SSH1: variants seen among roughly 807,000 people sequenced by gnomAD.
The protein encoded by SSH1 is slingshot protein phosphatase 1.
A neutral mutation model predicts 79.7 loss-of-function variants in SSH1; 43 were observed. The ratio of observed to expected loss-of-function variants is 0.54; its 90% CI spans 0.42 to 0.70. The LOEUF is 0.70. Among genes scored for constraint, SSH1 ranks in the 30% least tolerant of loss-of-function variants. SSH1 has a pLI of 0.00. For synonymous variants in SSH1, 599 were observed against 538.3 expected, an observed-to-expected ratio of 1.11 and a Z score of -1.56; for missense variants, 1,206 against 1,358.8, an observed-to-expected ratio of 0.89 and a Z score of 1.77.
rs530906482 is a variant in SSH1 at position 108,798,442 on chromosome 12, A to C, written c.1349+558T>G. On this transcript the variant is annotated intron_variant, in intron 13 of 14. Transcript: ENST00000326495. ...CAGACTCGAACTCTTGGGCTCAAGCAATACTCCCATCTCAGTTTCCTAAGC... is the reference window on the plus strand; with the variant it reads ...CAGACTCGAACTCTTGGGCTCAAGCCATACTCCCATCTCAGTTTCCTAAGC... Among the ~76,000 whole-genome samples the C allele has an allele frequency of 1.2e-4, 18 of 152,342 alleles. No homozygotes were observed. In the East Asian group the frequency reaches 2.9e-3, roughly 24 times the overall value.
In SSH1 at chr12:108,799,110, GC is replaced by G; in HGVS notation, c.1238del (p.Gly413AlafsTer11). 1 of 1,614,224 alleles carries G rather than the reference GC, an allele frequency of 6.2e-7. No homozygotes were observed. Among genetic ancestry groups the G allele is most frequent in the Non-Finnish European group, 8.5e-7 (1 of 1,180,050 alleles). On this transcript the variant is annotated frameshift_variant, in exon 13 of 15. Coordinates refer to ENST00000326495, the MANE Select transcript of SSH1 (RefSeq NM_018984.4). LOFTEE classifies it high-confidence loss of function. ...AGTTATATGCTTTTTCCAGAGGCCA[GC>G]CGAATTCCTTCATTGCATAGGCTAT... The part of the protein sequence containing the change: ...TVIAYAMKEF[G>X]WPLEKAYNYV...
In SSH1 at chr12:108,823,450, T is replaced by C; in HGVS notation, c.111-89A>G. On this transcript the variant is annotated intron_variant, in intron 2 of 14. Transcript: ENST00000326495. ...TACTGCAGGGGAAAAAGCTTTAGCG[T>C]GGACAAATGGCATGTAAAATGCAAA... The C allele has an allele frequency of 2.1e-5, 22 of 1,036,742 alleles. No homozygotes were observed. In the South Asian group the frequency reaches 2.9e-4, roughly 13 times the overall value. 64.2% of individuals were successfully genotyped at this position (1,036,742 alleles called of 1,614,324 possible).
chr12:108,792,423 G>A lies in SSH1; in HGVS notation c.1756C>T (p.Gln586Ter). ...TCCTCCCTTTCCGTCTCCTCCACCTGCAGCAAGGAGCCGCTCCGACCTTTG... is the reference window on the plus strand; with the variant it reads ...TCCTCCCTTTCCGTCTCCTCCACCTACAGCAAGGAGCCGCTCCGACCTTTG... ...SPKGRSGSLL[Q>*]VEETEREEGL... Residue 586 changes from glutamine (Q) to a stop codon, truncating the protein, a stop_gained, in exon 14 of 15, where the codon CAG becomes TAG. Transcript: ENST00000326495. LOFTEE classifies it high-confidence loss of function. 6.2e-7 allele frequency: 1 copy of A among 1,614,174 alleles called. No individual in the cohort carries two copies. Among genetic ancestry groups the A allele is most frequent in the Non-Finnish European group, 8.5e-7 (1 of 1,180,034 alleles).
chr12:108,825,995 C>T (rs2038294632), intron 2 of SSH1: 3 of 400,822 alleles, frequency 7.5e-6, no homozygotes, highest in South Asian at 5.4e-5. Context: ...GTTCCAAACT[C>T]ATGAAACCTA....
intron 11 of SSH1, among the ~76,000 whole-genome samples, chr12:108,802,011 T>TGCGGG (rs1170812259): frequency 1.5e-4 from 23 of 151,850 alleles, no homozygotes; most frequent in African/African-American, 5.1e-4. Context: ...GGAAGCGGGG[T>TGCGGG]GGGGGTGAGG....
chr12:108,786,387 T>C lies in SSH1; in HGVS notation c.*1601A>G, dbSNP rs1374843861. 1.3e-5 allele frequency: 2 copies of C among 152,380 alleles called. No individual in the cohort carries two copies. Among genetic ancestry groups the C allele is most frequent in the African/African-American group, 4.8e-5 (2 of 41,430 alleles). The allele number at this position is 152,380 out of a possible 1,614,324, so 9.4% of individuals were successfully genotyped here. A position where few individuals can be genotyped will look rare whatever the true frequency, so the allele number is the denominator to read the frequency against. On this transcript the variant is annotated 3_prime_UTR_variant, in exon 15 of 15. Transcript: ENST00000326495. ...TTGTGGTCGGGAGGAGGGAAGGGTCTGGCCTTAGGTGTCAGAGAGGCAGAG... is the reference window on the plus strand; with the variant it reads ...TTGTGGTCGGGAGGAGGGAAGGGTCCGGCCTTAGGTGTCAGAGAGGCAGAG...
intron 10 of SSH1, among the ~76,000 whole-genome samples, chr12:108,803,836 A>C (rs2037140099): frequency 6.6e-6 from 1 of 152,214 alleles, no homozygotes; most frequent in Admixed American, 6.5e-5. Flanking sequence ...AATCACTATG[A>C]AATCTATATA....
Position 108,782,050 on chromosome 12 carries a change from T to C in SSH1, c.*5938A>G, listed in dbSNP as rs1433778455. ...GGATTGCTTGAGGCAGGAGGATCACTTTAGCCTAGGAAGTCGAGGTTGCAG... is the reference window on the plus strand; with the variant it reads ...GGATTGCTTGAGGCAGGAGGATCACCTTAGCCTAGGAAGTCGAGGTTGCAG... On this transcript the variant is annotated 3_prime_UTR_variant, in exon 15 of 15. Coordinates refer to ENST00000326495, the MANE Select transcript of SSH1 (RefSeq NM_018984.4). 1 of 150,312 alleles carries C rather than the reference T, an allele frequency of 6.7e-6. No homozygotes were observed. The highest frequency in any genetic ancestry group is 1.5e-5 in the Non-Finnish European group (1 of 67,854). 9.3% of individuals were successfully genotyped at this position (150,312 alleles called of 1,614,324 possible).
At chr12:108,837,595 A>C (rs1188502458) in intron 2 of SSH1, among the ~76,000 whole-genome samples, 2 of 152,228 alleles carry the variant, frequency 1.3e-5, no homozygotes, top group Non-Finnish European at 2.9e-5. Context: ...TAAGCTGGAA[A>C]TTATCTCAAA....
Position 108,851,255 on chromosome 12 carries a change from C to T in SSH1, c.110+1383G>A, listed in dbSNP as rs181801596. Among the ~76,000 whole-genome samples the T allele has an allele frequency of 7.4e-3, 1,124 of 152,100 alleles. 8 individuals are homozygous for T. The highest frequency in any genetic ancestry group is 9.3e-3 in the Non-Finnish European group (633 of 68,002). ...CATAATCTTTAGAAATCATGTGTGC[C>T]GTAATAAAAGTGAGTATTTCCCCTC... is the stretch of plus-strand genomic sequence containing the variant. On this transcript the variant is annotated intron_variant, in intron 2 of 14. Transcript: ENST00000326495.
chr12:108,818,288 C>T lies in SSH1; in HGVS notation c.240G>A (p.Val80=), dbSNP rs1452936366. 6 of 1,613,914 alleles carry T rather than the reference C, an allele frequency of 3.7e-6. No individual in the cohort carries two copies. Among genetic ancestry groups the T allele is most frequent in the Non-Finnish European group, 5.1e-6 (6 of 1,179,984 alleles). ...HAGDLPQHLQ[V]MINLLRCEDR... ...CTTCGCAACGCAGAAGGTTGATCAT[C>T]ACCTGAAGATGTTGAGGCAGATCAC... Residue 80 remains valine (V), a synonymous_variant, in exon 4 of 15, where the codon GTG becomes GTA. Transcript: ENST00000326495.
chr12:108,812,792 A>G (rs2037680272), intron 5 of SSH1, among the ~76,000 whole-genome samples: 1 of 152,120 alleles, frequency 6.6e-6, no homozygotes, highest in Non-Finnish European at 1.5e-5. Flanking sequence ...GTGAGTTTCC[A>G]GCAGTCCTAC....
chr12:108,839,551 G>A (rs912590304), intron 2 of SSH1, among the ~76,000 whole-genome samples: 1 of 152,202 alleles, frequency 6.6e-6, no homozygotes, highest in African/African-American at 2.4e-5. Flanking sequence ...TGGCAAGTGC[G>A]TGCCAGGCCT....
Position 108,799,328 on chromosome 12 carries a change from T to TA in SSH1, c.1149-129dup, listed in dbSNP as rs1344377766. 4 of 760,838 alleles carry TA rather than the reference T, an allele frequency of 5.3e-6. No homozygotes were observed. In the African/African-American group the frequency reaches 7.0e-5, roughly 13 times the overall value. 47.1% of individuals were successfully genotyped at this position (760,838 alleles called of 1,614,324 possible). On this transcript the variant is annotated intron_variant, in intron 12 of 14. Coordinates refer to ENST00000326495, the MANE Select transcript of SSH1 (RefSeq NM_018984.4). ...ATTTTTTTAAACCCTGTAGATATCT[T>TA]ACTGCCGAAATCCTCCTACGTCTTA... is the stretch of plus-strand genomic sequence containing the variant.
At chr12:108,801,477 C>T (rs1593032629) in intron 11 of SSH1, among the ~76,000 whole-genome samples, 1 of 152,028 alleles carries the variant, frequency 6.6e-6, no homozygotes, top group Non-Finnish European at 1.5e-5. Flanking sequence ...AGTTAGAAAA[C>T]ATCTCAAATA....
intron 5 of SSH1, among the ~76,000 whole-genome samples, chr12:108,815,575 CA>C (rs1272557056): frequency 6.6e-6 from 1 of 152,236 alleles, no homozygotes; most frequent in Non-Finnish European, 1.5e-5. Context: ...CGCTATGCCT[CA>C]GAACCGTACA....
chr12:108,852,726 A>ACGC (rs1373236066), intron 1 of SSH1, 48 bp from the exon 2 acceptor site: 7 of 1,613,248 alleles, frequency 4.3e-6, no homozygotes, highest in Non-Finnish European at 5.1e-6. Flanking sequence ...CACTGTCAAC[A>ACGC]CGCCTCGGGC....
In SSH1 at chr12:108,807,977, T is replaced by A; in HGVS notation, c.537-150A>T. On this transcript the variant is annotated intron_variant, in intron 7 of 14. Coordinates refer to ENST00000326495, the MANE Select transcript of SSH1 (RefSeq NM_018984.4). This position sits in a 1 kb window ranked among gnomAD's most constrained non-coding sequence, Gnocchi z 5.2. The stretch of plus-strand genomic sequence containing the variant: ...TTGGGACAGAGTCTCGCTCTGTCAC[T>A]CCCAGGCTAGAGTGCAGTGGCACGT... 1 of 756,008 alleles carries A rather than the reference T, an allele frequency of 1.3e-6. No homozygotes were observed. Among genetic ancestry groups the A allele is most frequent in the Non-Finnish European group, 2.2e-6 (1 of 451,732 alleles). 46.8% of individuals were successfully genotyped at this position (756,008 alleles called of 1,614,324 possible).
intron 11 of SSH1, 23 bp from the exon 12 acceptor site, chr12:108,800,949 A>C (rs1270605076): frequency 3.7e-6 from 6 of 1,608,754 alleles, no homozygotes; most frequent in Non-Finnish European, 4.3e-6. Context: ...AAAAATAAGA[A>C]ACAAATTTGG....
Sources: allele counts gnomAD v4.1 joint callset (sites outside exome capture counted in the v4.1 genomes callset), GRCh38; gene constraint gnomAD v4.1.1; non-coding constraint Gnocchi (gnomAD v3.1); transcripts MANE v1.5; gene names NCBI Gene and HGNC (gene_info 2026-07-23, HGNC 2026-07-21).